Variants in DPYD observed in about 807,000 individuals in gnomAD.
DPYD encodes the protein dihydropyrimidine dehydrogenase.
Under a neutral mutation model 116.2 loss-of-function variants are expected in DPYD, and 109 were observed. That is an observed-to-expected ratio of 0.94 (90% CI 0.80 to 1.10). DPYD has a LOEUF of 1.10. Ranked by LOEUF, DPYD falls within the 50% of genes least tolerant of loss-of-function variation. The pLI is 0.00. For synonymous variants in DPYD, 440 were observed against 432.0 expected (o/e 1.02, Z -0.23); for missense variants, 1,302 against 1,254.5 (o/e 1.04, Z -0.57).
chr1:97,724,953 A>AGAGAG (rs1663152036), intron 4 of DPYD, among the ~76,000 whole-genome samples: 12 of 118,916 alleles, frequency 1.0e-4, no homozygotes, highest in Admixed American at 4.6e-4. Context: ...GAGGGAAGGA[A>AGAGAG]AGAGAGAGAG....
chr1:97,589,565 A>C (rs1187968626), intron 10 of DPYD, among the ~76,000 whole-genome samples: 1 of 152,158 alleles, frequency 6.6e-6, no homozygotes, highest in Non-Finnish European at 1.5e-5. Flanking sequence ...TGCCTTTATA[A>C]ATTACCCAGT....
At chr1:97,631,994 T>C (rs1044509916) in intron 8 of DPYD, among the ~76,000 whole-genome samples, 3 of 152,060 alleles carry the variant, frequency 2.0e-5, no homozygotes, top group African/African-American at 7.2e-5. Context: ...TCGATTGTAA[T>C]CTAAAAGGGA....
rs148501506 is a variant in DPYD at position 97,150,388 on chromosome 1, T to C, written c.2622+42681A>G. 4.1e-3 allele frequency among the ~76,000 whole-genome samples: 624 copies of C among 152,364 alleles called. 6 individuals carry two copies. Among genetic ancestry groups the C allele is most frequent in the Middle Eastern group, 0.034 (10 of 294 alleles). On this transcript the variant is annotated intron_variant, in intron 20 of 22. Coordinates refer to ENST00000370192, the MANE Select transcript of DPYD (RefSeq NM_000110.4). ...GTTTAGCACATTGCCTACTTCACAGTAGGTGCTTAATAAACATTTGCTGGA... is the reference window on the plus strand; with the variant it reads ...GTTTAGCACATTGCCTACTTCACAGCAGGTGCTTAATAAACATTTGCTGGA...
rs74327316 is a variant in DPYD, at chr1:97,458,489, T to C, written c.1741-8266A>G. On this transcript the variant is annotated intron_variant, in intron 13 of 22. Transcript: ENST00000370192. ...ATCAGAAATAAGCACGAAGCAGAGA[T>C]TCACAAGGGCAAACTAACTATTGGG... Among the ~76,000 whole-genome samples, 171 of 152,224 alleles carry C rather than the reference T, an allele frequency of 1.1e-3. No homozygotes were observed. In the East Asian group the frequency reaches 0.031, roughly 27 times the overall value.
intron 14 of DPYD, among the ~76,000 whole-genome samples, chr1:97,439,534 T>A (rs1415237015): frequency 6.6e-6 from 1 of 152,198 alleles, no homozygotes; most frequent in Non-Finnish European, 1.5e-5. Flanking sequence ...ATTTTCCTTT[T>A]AATATCTGTA....
At chr1:97,716,344 A>T (rs1662614357) in intron 5 of DPYD, among the ~76,000 whole-genome samples, 1 of 152,110 alleles carries the variant, frequency 6.6e-6, no homozygotes, top group Non-Finnish European at 1.5e-5. Flanking sequence ...TGGTAAATCA[A>T]GAATAAAACA....
At chr1:97,823,593 T>C (rs1306993107) in intron 3 of DPYD, among the ~76,000 whole-genome samples, 2 of 152,166 alleles carry the variant, frequency 1.3e-5, no homozygotes, top group Admixed American at 1.3e-4. Context: ...CATGCAGTGT[T>C]TGCCCTTCTG....
intron 1 of DPYD, among the ~76,000 whole-genome samples, chr1:97,919,393 C>G (rs1036398428): frequency 1.3e-5 from 2 of 152,180 alleles, no homozygotes; most frequent in South Asian, 2.1e-4. Context: ...CAATGTTTCA[C>G]TGGCATCTTT....
At chr1:97,669,890 C>T (rs955426930) in intron 8 of DPYD, among the ~76,000 whole-genome samples, 6 of 152,126 alleles carry the variant, frequency 3.9e-5, no homozygotes, top group Admixed American at 6.6e-5. Context: ...CTCTTACTAA[C>T]CCCTCTTTTC....
At chr1:97,478,311 T>A (rs988620286) in intron 13 of DPYD, among the ~76,000 whole-genome samples, 1 of 152,146 alleles carries the variant, frequency 6.6e-6, no homozygotes, top group African/African-American at 2.4e-5. Flanking sequence ...TTCTTTGAGA[T>A]GGAGTCTTAC....
At chr1:97,815,108 A>G (rs1237445194) in intron 3 of DPYD, among the ~76,000 whole-genome samples, 1 of 150,458 alleles carries the variant, frequency 6.6e-6, no homozygotes, top group Middle Eastern at 3.2e-3. Context: ...AAGAGAAAAG[A>G]GAAGAGAAGA....
chr1:97,683,949 T>A (rs954275659), intron 7 of DPYD, among the ~76,000 whole-genome samples: 3 of 152,178 alleles, frequency 2.0e-5, no homozygotes, highest in Non-Finnish European at 2.9e-5. Flanking sequence ...TTTCTGAAAC[T>A]AATAACTTTA....
chr1:97,834,881 A>G (rs567358780), intron 2 of DPYD, among the ~76,000 whole-genome samples: 1 of 152,000 alleles, frequency 6.6e-6, no homozygotes, highest in South Asian at 2.1e-4. Flanking sequence ...TTATAAGTAC[A>G]AGTAAGAAAT....
intron 1 of DPYD, among the ~76,000 whole-genome samples, chr1:97,903,599 T>A (rs987385666): frequency 1.3e-4 from 20 of 151,984 alleles, no homozygotes; most frequent in Admixed American, 1.3e-4. Context: ...ATGTTTAATA[T>A]CAACAGTATC....
chr1:97,568,747 G>C (rs1025922091), intron 11 of DPYD, among the ~76,000 whole-genome samples: 2 of 152,026 alleles, frequency 1.3e-5, no homozygotes, highest in African/African-American at 4.8e-5. Context: ...GGAGAAAATA[G>C]TAACTCATAA....
chr1:97,626,476 C>A (rs919570748), intron 8 of DPYD, among the ~76,000 whole-genome samples: 2 of 151,880 alleles, frequency 1.3e-5, no homozygotes, highest in African/African-American at 4.8e-5. Flanking sequence ...CATAAAAAAA[C>A]ATACAATGAC....
In DPYD at chr1:97,595,057, AC is replaced by A. The variant is rs774842076; in HGVS notation, c.958+1del. 1.2e-6 allele frequency: 2 copies of A among 1,607,786 alleles called. No homozygotes were observed. The highest frequency in any genetic ancestry group is 1.7e-6 in the Non-Finnish European group (2 of 1,174,474). ...TTAAGCATAAAAGACAATATGTTAT[AC>A]CTGCTTTACTGCCTTTGGCTACAAG... is the stretch of plus-strand genomic sequence containing the variant. On this transcript the variant is annotated splice_donor_variant, in intron 9 of 22. Transcript: ENST00000370192. LOFTEE classifies it high-confidence loss of function.
chr1:97,910,571 C>CA (rs1318975822), intron 1 of DPYD, among the ~76,000 whole-genome samples: 1 of 151,946 alleles, frequency 6.6e-6, no homozygotes, highest in Non-Finnish European at 1.5e-5. Context: ...AAAACTGAAA[C>CA]AAAAAATGTT....
At chr1:97,887,336 G>T (rs1422647295) in intron 1 of DPYD, among the ~76,000 whole-genome samples, 1 of 151,450 alleles carries the variant, frequency 6.6e-6, no homozygotes, top group African/African-American at 2.4e-5. Context: ...CGGGCATGGT[G>T]GCATATGCCT....
Sources: allele counts gnomAD v4.1 joint callset (sites outside exome capture counted in the v4.1 genomes callset), GRCh38; gene constraint gnomAD v4.1.1; transcripts MANE v1.5; gene names NCBI Gene and HGNC (gene_info 2026-07-23, HGNC 2026-07-21).